Variants in CIITA observed in about 807,000 individuals in gnomAD.
CIITA encodes class II major histocompatibility complex transactivator.
In CIITA, 72 loss-of-function variants were observed where a neutral mutation model predicts 115.1. That is an observed-to-expected ratio of 0.63 (90% CI 0.52 to 0.76). The LOEUF (loss-of-function observed/expected upper bound fraction) is 0.76, where lower values mean the gene tolerates loss of function less well. Among genes scored for constraint, CIITA ranks in the 30% least tolerant of loss-of-function variants. The probability of loss-of-function intolerance (pLI) is 0.00; values close to 1 mark genes in which losing one functional copy is unlikely to be tolerated. For synonymous variants in CIITA, 763 were observed against 635.6 expected (o/e 1.20, Z -3.02); for missense variants, 1,617 against 1,463.8 (o/e 1.10, Z -1.71).
intron 5 of CIITA, 106 bp downstream of exon 5, chr16:10,899,108 T>C (rs923246116): frequency 2.7e-6 from 3 of 1,103,884 alleles, no homozygotes; most frequent in South Asian, 1.3e-5. Flanking sequence ...CTAAGTCCTG[T>C]CTGGTTGGGA....
chr16:10,918,563 T>C, intron 16 of CIITA, 37 bp downstream of exon 16: 1 of 1,589,652 alleles, frequency 6.3e-7, no homozygotes, highest in Non-Finnish European at 8.6e-7. Flanking sequence ...GGTGCTGAGC[T>C]GGGGGGCTGC....
rs1447060310 is a variant in CIITA, at chr16:10,925,218, G to A, written c.*1363G>A. ...GGGCTTCCTCATAGTATGGTGGCTGGGTTGGAGGGTGTCCCAAAAAGAAAG... is the reference window on the plus strand; with the variant it reads ...GGGCTTCCTCATAGTATGGTGGCTGAGTTGGAGGGTGTCCCAAAAAGAAAG... On this transcript the variant is annotated 3_prime_UTR_variant, in exon 20 of 20. Transcript: ENST00000324288. 6.6e-6 allele frequency: 1 copy of A among 152,252 alleles called. No homozygotes were observed. The highest frequency in any genetic ancestry group is 1.5e-5 in the Non-Finnish European group (1 of 68,072). The allele number at this position is 152,252 out of a possible 1,614,324, so 9.4% of individuals were successfully genotyped here.
rs2040228014 is a variant in CIITA at position 10,920,801 on chromosome 16, T to C, written c.3150-1366T>C. On this transcript the variant is annotated intron_variant, in intron 16 of 19. Transcript: ENST00000324288. This position sits in a 1 kb window ranked among gnomAD's most constrained non-coding sequence, Gnocchi z 4.5. ...AACCCCCATCTAGTTTCTGCACTGG[T>C]ACCGGCCGACCCGTGATGTGAGTTG... Among the ~76,000 whole-genome samples, 1 of 152,244 alleles carries C rather than the reference T, an allele frequency of 6.6e-6. No homozygotes were observed. The highest frequency in any genetic ancestry group is 6.5e-5 in the Admixed American group (1 of 15,284).
intron 1 of CIITA, among the ~76,000 whole-genome samples, chr16:10,885,965 T>A (rs963999458): frequency 2.0e-5 from 3 of 152,192 alleles, no homozygotes; most frequent in Non-Finnish European, 4.4e-5. Context: ...TTTCTCTTCA[T>A]TAATGTCCCT....
rs757201187 is a variant in CIITA, at chr16:10,906,798, G to T, written c.1306G>T (p.Ala436Ser). Reference protein sequence around the residue: ...KSYWAGAVSRAWACGRLPQYD... With the variant: ...KSYWAGAVSRSWACGRLPQYD... ...CTATTGGGCTGGGGCAGTGAGCCGG[G>T]CCTGGGCTTGTGGCCGGCTTCCCCA... The change falls in exon 11 of 20, where the codon GCC (alanine) becomes TCC (serine). Residue 436 changes from alanine to serine, a missense_variant. Physicochemically the swap from Ala to Ser is moderately conservative, Grantham distance 99. Transcript: ENST00000324288. The T allele has an allele frequency of 2.5e-6, 4 of 1,612,122 alleles. No homozygotes were observed. Among genetic ancestry groups the T allele is most frequent in the Non-Finnish European group, 3.4e-6 (4 of 1,180,036 alleles).
chr16:10,870,778 G>A (rs1162121880), intron 1 of CIITA, among the ~76,000 whole-genome samples: 1 of 152,236 alleles, frequency 6.6e-6, no homozygotes, highest in East Asian at 1.9e-4. Context: ...TGAGATGGTA[G>A]GTAGAAACCT....
At chr16:10,884,731 CT>C (rs2036762123) in intron 1 of CIITA, among the ~76,000 whole-genome samples, 1 of 152,126 alleles carries the variant, frequency 6.6e-6, no homozygotes, top group Non-Finnish European at 1.5e-5. Context: ...TCTTAATCAC[CT>C]TTCCATCTGA....
At chr16:10,905,629 G>C (rs1444843238) in intron 10 of CIITA, among the ~76,000 whole-genome samples, 1 of 152,076 alleles carries the variant, frequency 6.6e-6, no homozygotes, top group African/African-American at 2.4e-5. Context: ...AGACGTGGTA[G>C]TGGGTGCCTG....
In CIITA at chr16:10,930,045, G is replaced by T. The variant is rs1282851623; in HGVS notation, c.*6190G>T. 6.6e-6 allele frequency: 1 copy of T among 152,288 alleles called. No homozygotes were observed. The allele number at this position is 152,288 out of a possible 1,614,324, so 9.4% of individuals were successfully genotyped here. Reference sequence around the variant, plus strand: ...GCCAAGTTACTCAGCAGCCCCACTTGGCTCTTTCTCCCAGGATGCAGCATC... The same window carrying T: ...GCCAAGTTACTCAGCAGCCCCACTTTGCTCTTTCTCCCAGGATGCAGCATC... On this transcript the variant is annotated 3_prime_UTR_variant, in exon 20 of 20. Coordinates refer to ENST00000324288, the MANE Select transcript of CIITA (RefSeq NM_000246.4).
In CIITA at chr16:10,916,478, C is replaced by A. The variant is rs759569121; in HGVS notation, c.3062+19C>A. On this transcript the variant is annotated intron_variant, in intron 15 of 19. Transcript: ENST00000324288. ...CCCTCAAGTGAGTGAGCTGGGCCTG[C>A]CCTTCCTGCTGAATCGGGCCCCCAA... The A allele has an allele frequency of 5.0e-6, 8 of 1,601,890 alleles. No individual in the cohort carries two copies. In the East Asian group the frequency reaches 1.8e-4, roughly 36 times the overall value.
intron 13 of CIITA, among the ~76,000 whole-genome samples, chr16:10,911,402 T>TCCTC (rs1441245801): frequency 2.1e-5 from 3 of 143,052 alleles, no homozygotes; most frequent in Admixed American, 1.4e-4. Flanking sequence ...CTCCCTTCCT[T>TCCTC]CCTCCCTCCC....
At chr16:10,887,717 A>C (rs181889098) in intron 1 of CIITA, among the ~76,000 whole-genome samples, 142 of 151,534 alleles carry the variant, frequency 9.4e-4, no homozygotes, top group African/African-American at 3.3e-3. Context: ...CTGGTCTTGA[A>C]CTCCTGACCT....
Position 10,901,493 on chromosome 16 carries a change from G to A in CIITA, c.437-21G>A. 4 of 1,613,976 alleles carry A rather than the reference G, an allele frequency of 2.5e-6. No individual in the cohort carries two copies. Among genetic ancestry groups the A allele is most frequent in the Non-Finnish European group, 2.5e-6 (3 of 1,179,944 alleles). ...GGGACATCCTCTCCCTGGGGCAGCT[G>A]ATCACATGTTTTCTCTGCAGCCTTC... On this transcript the variant is annotated intron_variant, in intron 5 of 19. Coordinates refer to ENST00000324288, the MANE Select transcript of CIITA (RefSeq NM_000246.4). This position sits in a 1 kb window ranked among gnomAD's most constrained non-coding sequence, Gnocchi z 6.8.
intron 1 of CIITA, among the ~76,000 whole-genome samples, chr16:10,890,913 G>T (rs969954115): frequency 6.6e-6 from 1 of 152,116 alleles, no homozygotes; most frequent in South Asian, 2.1e-4. Flanking sequence ...GGAAACTGAG[G>T]CTCCAAGTGG....
chr16:10,930,106 T>G lies in CIITA; in HGVS notation c.*6251T>G, dbSNP rs1008865728. On this transcript the variant is annotated 3_prime_UTR_variant, in exon 20 of 20. Transcript: ENST00000324288. The stretch of plus-strand genomic sequence containing the variant: ...CCTGGCCCCCTGGCACGTCCCCGTT[T>G]CCCACTGCCTTCTCTGTGTGCCTAG... 6.6e-6 allele frequency: 1 copy of G among 152,394 alleles called. No homozygotes were observed. Among genetic ancestry groups the G allele is most frequent in the Non-Finnish European group, 1.5e-5 (1 of 68,166 alleles). 9.4% of individuals were successfully genotyped at this position (152,394 alleles called of 1,614,324 possible).
intron 1 of CIITA, among the ~76,000 whole-genome samples, chr16:10,894,607 G>T (rs899914040): frequency 6.6e-6 from 1 of 152,234 alleles, no homozygotes; most frequent in Non-Finnish European, 1.5e-5. Flanking sequence ...AAATGAAATA[G>T]TGTTAAAAGT....
Position 10,923,918 on chromosome 16 carries a change from G to C in CIITA, c.*63G>C, listed in dbSNP as rs2040413009. ...CACTAACCACGCTGGACCTTGAACT[G>C]GGTACTTGTGGACACAGCTCTTCTC... On this transcript the variant is annotated 3_prime_UTR_variant, in exon 20 of 20. Transcript: ENST00000324288. This position sits in a 1 kb window ranked among gnomAD's most constrained non-coding sequence, Gnocchi z 5.2. The C allele has an allele frequency of 6.5e-6, 1 of 154,446 alleles. No homozygotes were observed. 9.6% of individuals were successfully genotyped at this position (154,446 alleles called of 1,614,324 possible). A position where few individuals can be genotyped will look rare whatever the true frequency, so the allele number is the denominator to read the frequency against.
intron 15 of CIITA, among the ~76,000 whole-genome samples, chr16:10,917,498 T>C (rs1204684857): frequency 6.6e-6 from 1 of 151,210 alleles, no homozygotes; most frequent in Non-Finnish European, 1.5e-5. Context: ...TTTTTTTTTT[T>C]TGACACGGAG....
chr16:10,869,723 C>T (rs2035347366), intron 1 of CIITA, among the ~76,000 whole-genome samples: 1 of 152,074 alleles, frequency 6.6e-6, no homozygotes, highest in South Asian at 2.1e-4. Flanking sequence ...CCAAGTTGGC[C>T]AGGCTGGTCT....
Sources: allele counts gnomAD v4.1 joint callset (sites outside exome capture counted in the v4.1 genomes callset), GRCh38; gene constraint gnomAD v4.1.1; non-coding constraint Gnocchi (gnomAD v3.1); transcripts MANE v1.5; gene names NCBI Gene and HGNC (gene_info 2026-07-23, HGNC 2026-07-21).